MCOLN2: variants seen among roughly 807,000 people sequenced by gnomAD.
The protein encoded by MCOLN2 is mucolipin TRP cation channel 2.
Under a neutral mutation model 67.5 loss-of-function variants are expected in MCOLN2, and 57 were observed. The ratio of observed to expected loss-of-function variants is 0.84; its 90% CI spans 0.68 to 1.05. The LOEUF (loss-of-function observed/expected upper bound fraction) is 1.05, where lower values mean the gene tolerates loss of function less well. Ranked by LOEUF, MCOLN2 falls within the 50% of genes least tolerant of loss-of-function variation. MCOLN2 has a pLI of 0.00. For missense variants in MCOLN2, 620 were observed against 678.8 expected, an observed-to-expected ratio of 0.91 and a Z score of 0.96; for synonymous variants, 246 against 233.3, an observed-to-expected ratio of 1.05 and a Z score of -0.50.
chr1:84,935,636 A>T (rs900818077), intron 11 of MCOLN2, among the ~76,000 whole-genome samples: 4 of 152,224 alleles, frequency 2.6e-5, no homozygotes, highest in African/African-American at 9.6e-5. Flanking sequence ...GGCTTAAAAT[A>T]TATAATTAAA....
Position 84,939,715 on chromosome 1 carries a change from T to A in MCOLN2, c.961-13A>T. The A allele has an allele frequency of 6.2e-7, 1 of 1,613,626 alleles. No homozygotes were observed. The highest frequency in any genetic ancestry group is 8.5e-7 in the Non-Finnish European group (1 of 1,179,832). ...AATTTAGAAATCTCTATGGCAAACA[T>A]TTAAAGAAGCGTTTCTTACAAACCA... On this transcript the variant is annotated splice_polypyrimidine_tract_variant and intron_variant, in intron 8 of 13. Coordinates refer to ENST00000370608, the MANE Select transcript of MCOLN2 (RefSeq NM_153259.4).
At chr1:84,979,218 C>T (rs1336874366) in intron 1 of MCOLN2, among the ~76,000 whole-genome samples, 1 of 152,148 alleles carries the variant, frequency 6.6e-6, no homozygotes, top group East Asian at 1.9e-4. Flanking sequence ...TATTAACCAT[C>T]ACAGCTTCAC....
intron 1 of MCOLN2, among the ~76,000 whole-genome samples, chr1:84,977,426 C>T (rs1650047924): frequency 6.6e-6 from 1 of 150,900 alleles, no homozygotes. Flanking sequence ...ACTAAACTCT[C>T]CAATCAAAAG....
At chr1:84,984,031 C>T (rs1231494493) in intron 1 of MCOLN2, among the ~76,000 whole-genome samples, 1 of 152,108 alleles carries the variant, frequency 6.6e-6, no homozygotes, top group Non-Finnish European at 1.5e-5. Context: ...TAGGTATTAT[C>T]AATTTGAATC....
chr1:84,925,950 C>A lies in MCOLN2; in HGVS notation c.*735G>T. ...TGTCACCCAGGCTGGAGTGTAGTGG[C>A]ACGATCATGGCTCATGGCAGCCTCC... On this transcript the variant is annotated 3_prime_UTR_variant, in exon 14 of 14. Transcript: ENST00000370608. 6.6e-6 allele frequency: 1 copy of A among 151,824 alleles called. No homozygotes were observed. The highest frequency in any genetic ancestry group is 1.5e-5 in the Non-Finnish European group (1 of 68,220). 9.4% of individuals were successfully genotyped at this position (151,824 alleles called of 1,614,324 possible). A position where few individuals can be genotyped will look rare whatever the true frequency, so the allele number is the denominator to read the frequency against.
intron 12 of MCOLN2, among the ~76,000 whole-genome samples, chr1:84,930,282 A>C (rs1661347165): frequency 6.6e-6 from 1 of 151,644 alleles, no homozygotes; most frequent in Non-Finnish European, 1.5e-5. Flanking sequence ...AAAAAAAAAA[A>C]GTCTAAACTT....
rs116864009 is a variant in MCOLN2 at position 84,953,641 on chromosome 1, G to A, written c.566-1111C>T. On this transcript the variant is annotated intron_variant, in intron 4 of 13. Coordinates refer to ENST00000370608, the MANE Select transcript of MCOLN2 (RefSeq NM_153259.4). ...TGCTATTTTGTAACTTTTCTGGTAA[G>A]TCTGGCACTTTTTCAAAGTAAAAAA... Among the ~76,000 whole-genome samples the A allele has an allele frequency of 3.6e-4, 54 of 151,886 alleles. 3 individuals are homozygous for A. In the East Asian group the frequency reaches 6.2e-3, roughly 17 times the overall value.
At chr1:84,983,313 A>C (rs1406407763) in intron 1 of MCOLN2, among the ~76,000 whole-genome samples, 1 of 152,144 alleles carries the variant, frequency 6.6e-6, no homozygotes, top group African/African-American at 2.4e-5. Context: ...TCTGTCACCC[A>C]GGTGGGATTG....
At chr1:84,993,806 A>G (rs938066865) in intron 1 of MCOLN2, among the ~76,000 whole-genome samples, 4 of 150,564 alleles carry the variant, frequency 2.7e-5, no homozygotes, top group Admixed American at 1.3e-4. Context: ...AATTTTTTGT[A>G]TTTTTAGTAG....
At chr1:84,966,033 A>G (rs1257738916) in intron 1 of MCOLN2, among the ~76,000 whole-genome samples, 4 of 152,076 alleles carry the variant, frequency 2.6e-5, no homozygotes, top group African/African-American at 7.2e-5. Context: ...CGGGTGGATC[A>G]TTTGAGGTCA....
intron 1 of MCOLN2, among the ~76,000 whole-genome samples, chr1:84,985,688 C>T (rs538058130): frequency 6.6e-6 from 1 of 152,166 alleles, no homozygotes; most frequent in South Asian, 2.1e-4. Flanking sequence ...CCTTTCACAA[C>T]AGCTGCAAAA....
At chr1:84,970,515 CA>C (rs536266906) in intron 1 of MCOLN2, among the ~76,000 whole-genome samples, 1,430 of 104,738 alleles carry the variant, frequency 0.014, 9 homozygotes, top group African/African-American at 0.03. Flanking sequence ...ACTAAAAATA[CA>C]AAAAAAAAAA....
intron 12 of MCOLN2, among the ~76,000 whole-genome samples, chr1:84,930,372 C>A (rs55956202): frequency 0.029 from 4,387 of 152,026 alleles, 85 homozygotes; most frequent in Non-Finnish European, 0.045. Flanking sequence ...GGAAAGTAAT[C>A]ATTATTTCCT....
At chr1:84,957,944 T>C (rs922546290) in intron 3 of MCOLN2, among the ~76,000 whole-genome samples, 16 of 152,238 alleles carry the variant, frequency 1.1e-4, no homozygotes, top group African/African-American at 3.6e-4. Flanking sequence ...TTTCCTAAAT[T>C]ATTTCTTCAA....
intron 1 of MCOLN2, among the ~76,000 whole-genome samples, chr1:84,972,634 G>C (rs1181740635): frequency 1.3e-5 from 2 of 152,196 alleles, no homozygotes; most frequent in African/African-American, 4.8e-5. Flanking sequence ...TCAGGACTAT[G>C]AGGTTGGCAT....
At chr1:84,947,485 T>C (rs1278236258) in intron 6 of MCOLN2, among the ~76,000 whole-genome samples, 3 of 152,082 alleles carry the variant, frequency 2.0e-5, no homozygotes, top group African/African-American at 7.2e-5. Context: ...TGCCACACTG[T>C]CTCCCCAGCC....
At chr1:84,951,323 T>C (rs746943686) in intron 6 of MCOLN2, among the ~76,000 whole-genome samples, 12 of 152,136 alleles carry the variant, frequency 7.9e-5, no homozygotes, top group Non-Finnish European at 1.5e-4. Flanking sequence ...TATATACAAC[T>C]TTCAGCTAGG....
intron 11 of MCOLN2, among the ~76,000 whole-genome samples, chr1:84,933,133 A>G (rs1647253152): frequency 6.6e-6 from 1 of 152,142 alleles, no homozygotes. Flanking sequence ...GTGTCCAATT[A>G]AGCCAATGTT....
chr1:84,951,568 G>A (rs893825382), intron 6 of MCOLN2, among the ~76,000 whole-genome samples: 1 of 152,148 alleles, frequency 6.6e-6, no homozygotes. Context: ...GAAAATATTT[G>A]CTATAACATT....
Sources: gnomAD v4.1 joint callset for allele counts (sites outside exome capture counted in the v4.1 genomes callset) on GRCh38, gnomAD v4.1.1 for gene constraint, MANE v1.5 for transcripts, NCBI Gene and HGNC (gene_info 2026-07-23, HGNC 2026-07-21) for gene names.